PLB1: variants seen among roughly 807,000 people sequenced by gnomAD.
PLB1 encodes the protein phospholipase B1, membrane-associated.
PLB1 carries 242 observed loss-of-function variants against 227.4 expected under a neutral mutation model. The ratio of observed to expected loss-of-function variants is 1.06; its 90% CI spans 0.96 to 1.18. The LOEUF is 1.18. Among genes scored for constraint, PLB1 ranks in the 50% most tolerant of loss-of-function variants. The probability of loss-of-function intolerance (pLI) is 0.00; values close to 1 mark genes in which losing one functional copy is unlikely to be tolerated. For missense variants in PLB1, 1,858 were observed against 1,816.3 expected, an observed-to-expected ratio of 1.02 and a Z score of -0.42; for synonymous variants, 757 against 682.2, an observed-to-expected ratio of 1.11 and a Z score of -1.71.
chr2:28,624,892 C>A (rs529516356), intron 49 of PLB1, among the ~76,000 whole-genome samples, 165 bp from the exon 50 acceptor site: 1 of 152,178 alleles, frequency 6.6e-6, no homozygotes, highest in Non-Finnish European at 1.5e-5. Flanking sequence ...GGGTCCAGGG[C>A]AGCCATGTGA....
intron 57 of PLB1, among the ~76,000 whole-genome samples, chr2:28,641,367 G>A (rs1302051478): frequency 6.6e-6 from 1 of 152,200 alleles, no homozygotes; most frequent in East Asian, 1.9e-4. Context: ...CAGCACTTTG[G>A]GAGGCCGAGG....
rs540618172 is a variant in PLB1, at chr2:28,597,659, T to C, written c.2322-346T>C. On this transcript the variant is annotated intron_variant, in intron 33 of 57. Transcript: ENST00000327757. Reference sequence around the variant, plus strand: ...CTGTGCACCTCATTTTCTTACTCTGTAAAATGGACATAGTCACATCTACAT... The same window carrying C: ...CTGTGCACCTCATTTTCTTACTCTGCAAAATGGACATAGTCACATCTACAT... 2.6e-4 allele frequency among the ~76,000 whole-genome samples: 39 copies of C among 152,308 alleles called. No individual in the cohort carries two copies. In the South Asian group the frequency reaches 7.7e-3, roughly 30 times the overall value.
At chr2:28,571,042 A>G (rs1573049781) in intron 20 of PLB1, among the ~76,000 whole-genome samples, 1 of 152,326 alleles carries the variant, frequency 6.6e-6, no homozygotes, top group East Asian at 1.9e-4. Context: ...AAGAAATAAA[A>G]CCACTTCTAT....
chr2:28,609,647 T>A (rs2148311985), intron 43 of PLB1, among the ~76,000 whole-genome samples: 1 of 152,266 alleles, frequency 6.6e-6, no homozygotes, highest in South Asian at 2.1e-4. Flanking sequence ...CATCTCAAGC[T>A]TAACATTCAT....
chr2:28,555,982 T>A (rs1675045946), intron 17 of PLB1, among the ~76,000 whole-genome samples: 1 of 151,796 alleles, frequency 6.6e-6, no homozygotes, highest in Admixed American at 6.6e-5. Flanking sequence ...TCCTCCCACT[T>A]TAGCCTCCCA....
At chr2:28,498,176 A>G (rs1015978852) in intron 1 of PLB1, among the ~76,000 whole-genome samples, 4 of 151,666 alleles carry the variant, frequency 2.6e-5, no homozygotes, top group Non-Finnish European at 4.4e-5. Context: ...ATCACCCTAC[A>G]TCTGGGATTG....
rs973702344 is a variant in PLB1 at position 28,565,502 on chromosome 2, G to A, written c.1280+149G>A. 3.3e-5 allele frequency: 22 copies of A among 661,888 alleles called. No homozygotes were observed. In the Admixed American group the frequency reaches 4.8e-4, roughly 14 times the overall value. The allele number at this position is 661,888 out of a possible 1,614,324, so 41.0% of individuals were successfully genotyped here. A position where few individuals can be genotyped will look rare whatever the true frequency, so the allele number is the denominator to read the frequency against. On this transcript the variant is annotated intron_variant, in intron 19 of 57. Transcript: ENST00000327757. ...AACTTCTAGGTTTAATTTGAAAAAG[G>A]TATTCACCAGCCTCCTCAAACCACT...
At chr2:28,497,181 A>G (rs764460120) in intron 1 of PLB1, among the ~76,000 whole-genome samples, 3 of 152,226 alleles carry the variant, frequency 2.0e-5, no homozygotes, top group Admixed American at 1.3e-4. Context: ...GGAGTTCTCC[A>G]TATATGCTGT....
intron 1 of PLB1, among the ~76,000 whole-genome samples, chr2:28,500,879 G>A (rs1667019510): frequency 6.6e-6 from 1 of 152,196 alleles, no homozygotes; most frequent in Non-Finnish European, 1.5e-5. Flanking sequence ...GCCTCTTCAA[G>A]GTAACTTCTG....
intron 56 of PLB1, among the ~76,000 whole-genome samples, chr2:28,635,996 TATGTATGTGTATGTATGTATGA>T (rs1343415410): frequency 1.3e-5 from 2 of 151,130 alleles, no homozygotes; most frequent in East Asian, 3.9e-4. Context: ...TGTATGTGTG[TATGTATGTGTATGTATGTATGA>T]ATGTGTGTGT....
intron 16 of PLB1, among the ~76,000 whole-genome samples, chr2:28,552,528 T>A (rs772668416): frequency 6.6e-6 from 1 of 152,186 alleles, no homozygotes; most frequent in African/African-American, 2.4e-5. Context: ...ACAAACAACA[T>A]GGATAAAAAT....
chr2:28,543,375 G>A, intron 14 of PLB1, 107 bp downstream of exon 14: 1 of 1,228,656 alleles, frequency 8.1e-7, no homozygotes, highest in Non-Finnish European at 1.1e-6. Flanking sequence ...CAGGATCCCA[G>A]GACAATGGTT....
At position 28,565,323 on chromosome 2, in the gene PLB1, T is replaced by C. The variant is rs762676591; in HGVS notation, c.1250T>C (p.Val417Ala). Residue 417 changes from valine (V) to alanine (A), a missense_variant, in exon 19 of 58, where the codon GTC (valine) becomes GCC (alanine). Val to Ala is a moderately conservative substitution (Grantham distance 64). Transcript: ENST00000327757. ...TCCACACCTGGGAACGTCTTGGACGTCTTGACTCAGTACCGAGGCCTGTCC... is the reference window on the plus strand; with the variant it reads ...TCCACACCTGGGAACGTCTTGGACGCCTTGACTCAGTACCGAGGCCTGTCC... ...AGSTPGNVLDVLTQYRGLSWS... is the reference protein window; with the variant it reads ...AGSTPGNVLDALTQYRGLSWS... The C allele has an allele frequency of 1.9e-6, 3 of 1,611,722 alleles. No individual in the cohort carries two copies. Among genetic ancestry groups the C allele is most frequent in the Non-Finnish European group, 2.5e-6 (3 of 1,179,188 alleles).
At chr2:28,541,447 G>A (rs970761352) in intron 12 of PLB1, among the ~76,000 whole-genome samples, 7 of 152,302 alleles carry the variant, frequency 4.6e-5, no homozygotes, top group South Asian at 2.1e-4. Flanking sequence ...CTGTCTTGTC[G>A]TTCCTAAGCT....
chr2:28,536,969 G>C (rs1163659951), intron 9 of PLB1, among the ~76,000 whole-genome samples: 1 of 152,180 alleles, frequency 6.6e-6, no homozygotes, highest in African/African-American at 2.4e-5. Flanking sequence ...GGGACGGTGG[G>C]TATGGTTCAG....
At chr2:28,570,660 C>T (rs1246765865) in intron 20 of PLB1, among the ~76,000 whole-genome samples, 2 of 152,124 alleles carry the variant, frequency 1.3e-5, no homozygotes, top group Non-Finnish European at 2.9e-5. Context: ...GTGGCGGGTG[C>T]CTGTAATCCC....
chr2:28,595,566 CTATT>C (rs1299322877), intron 33 of PLB1: 3 of 152,172 alleles, frequency 2.0e-5, no homozygotes, highest in Admixed American at 6.5e-5. Context: ...ATGCAGAAAT[CTATT>C]TAAGTTTTAT....
At chr2:28,501,885 C>T (rs1352483917) in intron 1 of PLB1, among the ~76,000 whole-genome samples, 1 of 152,060 alleles carries the variant, frequency 6.6e-6, no homozygotes, top group African/African-American at 2.4e-5. Context: ...TAGGTTGTTT[C>T]CAATATTTTG....
chr2:28,564,026 G>A (rs1464558073), intron 18 of PLB1, among the ~76,000 whole-genome samples: 1 of 152,074 alleles, frequency 6.6e-6, no homozygotes, highest in Non-Finnish European at 1.5e-5. Context: ...GATCACTTGA[G>A]GCCAGGGGGT....
Sources: gnomAD v4.1 joint callset for allele counts (sites outside exome capture counted in the v4.1 genomes callset) on GRCh38, gnomAD v4.1.1 for gene constraint, MANE v1.5 for transcripts, NCBI Gene and HGNC (gene_info 2026-07-23, HGNC 2026-07-21) for gene names.